METTL15: variants seen among roughly 807,000 people sequenced by gnomAD.
METTL15 encodes the protein 12S rRNA N(4)-cytidine methyltransferase METTL15.
METTL15 carries 34 observed loss-of-function variants against 38.3 expected under a neutral mutation model. The observed-to-expected ratio is 0.89, with a 90% CI of 0.68 to 1.18. The LOEUF (loss-of-function observed/expected upper bound fraction) is 1.18, where lower values mean the gene tolerates loss of function less well. Among genes scored for constraint, METTL15 ranks in the 50% most tolerant of loss-of-function variants. The pLI is 0.00. For missense variants in METTL15, 438 were observed against 498.4 expected (o/e 0.88, Z 1.15); for synonymous variants, 162 against 170.9 (o/e 0.95, Z 0.41).
intron 5 of METTL15, among the ~76,000 whole-genome samples, chr11:28,374,164 C>T (rs558957925): frequency 5.9e-5 from 9 of 151,974 alleles, no homozygotes; most frequent in African/African-American, 1.9e-4. Context: ...TTTTTGGTTC[C>T]GTATGAACTT....
intron 6 of METTL15, among the ~76,000 whole-genome samples, chr11:28,434,345 C>T (rs550044186): frequency 1.3e-5 from 2 of 152,296 alleles, no homozygotes; most frequent in African/African-American, 4.8e-5. Flanking sequence ...TTATAAATTA[C>T]CTAGTCTCAG....
At chr11:28,250,846 A>G (rs1374266503) in intron 4 of METTL15, among the ~76,000 whole-genome samples, 1 of 152,038 alleles carries the variant, frequency 6.6e-6, no homozygotes, top group East Asian at 1.9e-4. Flanking sequence ...CTGCATCACT[A>G]ATAAAATATA....
intron 5 of METTL15, among the ~76,000 whole-genome samples, chr11:28,400,536 A>C (rs1020156016): frequency 4.6e-5 from 7 of 151,970 alleles, no homozygotes; most frequent in African/African-American, 1.7e-4. Context: ...ATTGAGAAAC[A>C]GTTTAAAACC....
At position 28,411,949 on chromosome 11, in the gene METTL15, C is replaced by T. The variant is rs1590365632; in HGVS notation, c.*359-12350C>T. 2.6e-5 allele frequency among the ~76,000 whole-genome samples: 4 copies of T among 152,186 alleles called. No individual in the cohort carries two copies. In the South Asian group the frequency reaches 8.3e-4, roughly 32 times the overall value. ...GGCCAAAGGACCTGAACAGACATTT[C>T]CCTAAAGAAGATGTGAAGATGGCCA... On this transcript the variant is annotated intron_variant and NMD_transcript_variant, in intron 5 of 7. Coordinates refer to the METTL15 transcript ENST00000532947.
chr11:28,333,273 T>A lies in METTL15; in HGVS notation c.*2432T>A, dbSNP rs1849865467. ...AATCCTTCAATAAACACAAAATTGG[T>A]TTCAAAATGTTTTCATGTAAAAATA... is the stretch of plus-strand genomic sequence containing the variant. On this transcript the variant is annotated 3_prime_UTR_variant, in exon 7 of 7. Transcript: ENST00000407364. 1 of 152,108 alleles carries A rather than the reference T, an allele frequency of 6.6e-6. No homozygotes were observed. Among genetic ancestry groups the A allele is most frequent in the South Asian group, 2.1e-4 (1 of 4,832 alleles). The allele number at this position is 152,108 out of a possible 1,614,324, so 9.4% of individuals were successfully genotyped here. A position where few individuals can be genotyped will look rare whatever the true frequency, so the allele number is the denominator to read the frequency against.
chr11:28,508,034 C>G (rs1414614411), intron 6 of METTL15, among the ~76,000 whole-genome samples: 1 of 152,220 alleles, frequency 6.6e-6, no homozygotes, highest in Non-Finnish European at 1.5e-5. Flanking sequence ...GACACGTACT[C>G]TTGTGTCTGC....
intron 6 of METTL15, among the ~76,000 whole-genome samples, chr11:28,465,035 A>G (rs1420067867): frequency 6.6e-6 from 1 of 152,176 alleles, no homozygotes; most frequent in Non-Finnish European, 1.5e-5. Context: ...TTTTAGTATG[A>G]TCTGGATCCT....
At chr11:28,490,980 AG>A (rs1851489667) in intron 6 of METTL15, among the ~76,000 whole-genome samples, 1 of 152,202 alleles carries the variant, frequency 6.6e-6, no homozygotes, top group Non-Finnish European at 1.5e-5. Flanking sequence ...ACACTGTCTA[AG>A]TTTAGCAAAA....
intron 3 of METTL15, among the ~76,000 whole-genome samples, chr11:28,182,170 A>G (rs1032573192): frequency 2.0e-5 from 3 of 152,078 alleles, no homozygotes; most frequent in African/African-American, 7.2e-5. Flanking sequence ...CATTTGTCAG[A>G]TGGATAGATT....
chr11:28,218,959 G>C (rs541172174), intron 4 of METTL15, among the ~76,000 whole-genome samples: 6 of 152,258 alleles, frequency 3.9e-5, no homozygotes, highest in African/African-American at 1.4e-4. Flanking sequence ...GATTCGGTTT[G>C]CCAGTATGTT....
chr11:28,317,028 A>G (rs1397327427), intron 6 of METTL15, among the ~76,000 whole-genome samples: 1 of 152,086 alleles, frequency 6.6e-6, no homozygotes, highest in Non-Finnish European at 1.5e-5. Flanking sequence ...TAGTTATGAA[A>G]AATTTCAGTT....
At chr11:28,252,310 G>A (rs1854777194) in intron 4 of METTL15, among the ~76,000 whole-genome samples, 1 of 152,044 alleles carries the variant, frequency 6.6e-6, no homozygotes, top group Non-Finnish European at 1.5e-5. Flanking sequence ...TTAGCTAATA[G>A]GGAAGGCATC....
At chr11:28,240,899 C>CT (rs965070694) in intron 4 of METTL15, among the ~76,000 whole-genome samples, 2 of 151,868 alleles carry the variant, frequency 1.3e-5, no homozygotes, top group African/African-American at 2.4e-5. Flanking sequence ...GTGTTTCAAA[C>CT]TTTTTTTAAA....
chr11:28,478,355 T>C (rs1041898528), intron 6 of METTL15, among the ~76,000 whole-genome samples: 3 of 152,232 alleles, frequency 2.0e-5, no homozygotes, highest in Admixed American at 1.3e-4. Context: ...AGTCTATGCC[T>C]ACCATGATTT....
intron 6 of METTL15, among the ~76,000 whole-genome samples, chr11:28,506,249 C>T (rs1851626586): frequency 6.6e-6 from 1 of 152,188 alleles, no homozygotes; most frequent in Admixed American, 6.5e-5. Context: ...ACCATATTGG[C>T]CCAGTCTTTA....
chr11:28,111,550 T>C (rs1851719570), intron 2 of METTL15, among the ~76,000 whole-genome samples: 1 of 152,200 alleles, frequency 6.6e-6, no homozygotes, highest in Non-Finnish European at 1.5e-5. Context: ...TGAAGTACTA[T>C]TAAATTACAT....
chr11:28,187,343 T>A (rs756384020), intron 3 of METTL15, among the ~76,000 whole-genome samples: 1 of 151,070 alleles, frequency 6.6e-6, no homozygotes, highest in Non-Finnish European at 1.5e-5. Context: ...TATGAAGTGC[T>A]TAAATTCAAT....
intron 3 of METTL15, among the ~76,000 whole-genome samples, chr11:28,121,959 AG>A (rs1852258131): frequency 1.3e-5 from 2 of 152,034 alleles, no homozygotes; most frequent in South Asian, 4.1e-4. Context: ...TAAAATCTTT[AG>A]GGAGTCAAAG....
intron 4 of METTL15, among the ~76,000 whole-genome samples, chr11:28,230,605 T>C (rs117042145): frequency 9.7e-4 from 147 of 152,048 alleles, no homozygotes; most frequent in East Asian, 7.0e-3. Flanking sequence ...ACCCTTCATG[T>C]TTGGGCTTCT....
Sources: gnomAD v4.1 joint callset for allele counts (sites outside exome capture counted in the v4.1 genomes callset) on GRCh38, gnomAD v4.1.1 for gene constraint, MANE v1.5 for transcripts, NCBI Gene and HGNC (gene_info 2026-07-23, HGNC 2026-07-21) for gene names.